RFC3: variants seen among roughly 807,000 people sequenced by gnomAD.
RFC3 encodes the protein A1 38 kDa subunit.
In RFC3, 41 loss-of-function variants were observed where a neutral mutation model predicts 45.1. That is an observed-to-expected ratio of 0.91 (90% CI 0.71 to 1.18). The LOEUF is 1.18. Among genes scored for constraint, RFC3 ranks in the 50% most tolerant of loss-of-function variants. The pLI is 0.00. For synonymous variants in RFC3, 149 were observed against 144.0 expected (o/e 1.03, Z -0.25); for missense variants, 423 against 428.1 (o/e 0.99, Z 0.10).
At chr13:33,924,620 A>G (rs1376374154) in intron 8 of RFC3, among the ~76,000 whole-genome samples, 1 of 149,962 alleles carries the variant, frequency 6.7e-6, no homozygotes, top group African/African-American at 2.4e-5. Context: ...GTAAATATAT[A>G]TACACACCAT....
chr13:33,902,400 C>G (rs1004137061), intron 8 of RFC3, among the ~76,000 whole-genome samples: 2 of 152,046 alleles, frequency 1.3e-5, no homozygotes, highest in Non-Finnish European at 2.9e-5. Flanking sequence ...TAAGGATTAG[C>G]ATCTGAAGGA....
chr13:33,872,562 C>T (rs1028151631), intron 8 of RFC3, among the ~76,000 whole-genome samples: 26 of 151,944 alleles, frequency 1.7e-4, no homozygotes, highest in Admixed American at 1.1e-3. Flanking sequence ...GGAGAAACCC[C>T]GTCTCTACTA....
At chr13:33,837,912 G>C (rs2082169887), downstream of RFC3, among the ~76,000 whole-genome samples, 1 of 151,508 alleles carries the variant, frequency 6.6e-6, no homozygotes. Context: ...TTTCTACTTA[G>C]TTCAAACTTT....
intron 8 of RFC3, among the ~76,000 whole-genome samples, chr13:33,915,022 A>G (rs1021170112): frequency 2.0e-5 from 3 of 152,182 alleles, no homozygotes; most frequent in African/African-American, 4.8e-5. Flanking sequence ...TATGTAGTCA[A>G]AATCCAAGAT....
chr13:33,880,649 G>A (rs2082476842), intron 8 of RFC3, among the ~76,000 whole-genome samples: 1 of 152,128 alleles, frequency 6.6e-6, no homozygotes, highest in Non-Finnish European at 1.5e-5. Context: ...AGTGGCTACT[G>A]TATTGCACAG....
chr13:33,909,352 C>T (rs189321053), intron 8 of RFC3, among the ~76,000 whole-genome samples: 174 of 152,098 alleles, frequency 1.1e-3, no homozygotes, highest in African/African-American at 3.9e-3. Flanking sequence ...TTCTTAGACA[C>T]GGGCTTCTCC....
intron 8 of RFC3, among the ~76,000 whole-genome samples, chr13:33,942,091 TTATC>T (rs1467714549): frequency 6.6e-6 from 1 of 152,150 alleles, no homozygotes; most frequent in Non-Finnish European, 1.5e-5. Flanking sequence ...TAAAATTCTC[TTATC>T]TTTTTTTGTA....
At chr13:33,924,661 G>A (rs1035396823) in intron 8 of RFC3, among the ~76,000 whole-genome samples, 1 of 146,418 alleles carries the variant, frequency 6.8e-6, no homozygotes, top group Non-Finnish European at 1.5e-5. Flanking sequence ...CAATGTGTGT[G>A]TATATATATA....
At chr13:33,830,065 T>C in intron 5 of RFC3, 48 bp downstream of exon 5, 2 of 1,502,120 alleles carry the variant, frequency 1.3e-6, no homozygotes, top group Non-Finnish European at 1.8e-6. Context: ...TCAGATTCTC[T>C]GAATATTGTA....
intron 8 of RFC3, among the ~76,000 whole-genome samples, chr13:33,958,980 G>C (rs2083039569): frequency 6.6e-6 from 1 of 152,146 alleles, no homozygotes; most frequent in Non-Finnish European, 1.5e-5. Flanking sequence ...TAGTTCCACA[G>C]AACTATTATT....
At chr13:33,865,747 TTATC>T (rs2082368946) in intron 8 of RFC3, among the ~76,000 whole-genome samples, 1 of 152,064 alleles carries the variant, frequency 6.6e-6, no homozygotes. Context: ...TAAATAAACT[TTATC>T]TGTCAGAAAA....
chr13:33,867,550 T>C (rs1382109401), intron 8 of RFC3, among the ~76,000 whole-genome samples: 2 of 152,192 alleles, frequency 1.3e-5, no homozygotes, highest in Non-Finnish European at 2.9e-5. Flanking sequence ...CAGGAGGAAA[T>C]AGGGCCTCAC....
At position 33,881,028 on chromosome 13, in the gene RFC3, C is replaced by T. The variant is rs2082479893; in HGVS notation, c.879+45811C>T. On this transcript the variant is annotated intron_variant, in intron 8 of 8. Coordinates refer to the RFC3 transcript ENST00000434425. ...CTGAGATCGTGCCCTTGGACTTCAG[C>T]CCAGGTGACAGAGCAAGACTCAGTC... is the stretch of plus-strand genomic sequence containing the variant. Among the ~76,000 whole-genome samples, 4 of 151,930 alleles carry T rather than the reference C, an allele frequency of 2.6e-5. No homozygotes were observed. The South Asian group carries it at 8.3e-4, about 32-fold the overall frequency.
intron 8 of RFC3, among the ~76,000 whole-genome samples, chr13:33,872,255 A>G (rs1342319458): frequency 6.6e-6 from 1 of 152,196 alleles, no homozygotes; most frequent in South Asian, 2.1e-4. Context: ...AGAAGGCCTT[A>G]TTAGTGCTGG....
chr13:33,820,913 T>TTATATA (rs34884650), intron 1 of RFC3, among the ~76,000 whole-genome samples: 2 of 130,176 alleles, frequency 1.5e-5, no homozygotes, highest in African/African-American at 3.4e-5. Flanking sequence ...ATATATATAT[T>TTATATA]TATATATATA....
downstream of RFC3, among the ~76,000 whole-genome samples, chr13:33,838,066 A>G (rs967702100): frequency 5.3e-5 from 8 of 152,072 alleles, no homozygotes; most frequent in African/African-American, 1.9e-4. Flanking sequence ...TGAGAGAAAT[A>G]TTGAAATCTC....
At chr13:33,970,846 G>A (rs1012022635), downstream of RFC3, among the ~76,000 whole-genome samples, 1 of 152,198 alleles carries the variant, frequency 6.6e-6, no homozygotes, top group Non-Finnish European at 1.5e-5. Flanking sequence ...TGACACTTCA[G>A]CCTACTACAT....
chr13:33,904,200 G>A (rs1376122668), intron 8 of RFC3, among the ~76,000 whole-genome samples: 1 of 151,998 alleles, frequency 6.6e-6, no homozygotes, highest in Non-Finnish European at 1.5e-5. Flanking sequence ...CTGGCATGTG[G>A]TAGACACTTA....
At chr13:33,871,215 T>A (rs531478151) in intron 8 of RFC3, among the ~76,000 whole-genome samples, 1 of 152,180 alleles carries the variant, frequency 6.6e-6, no homozygotes, top group Admixed American at 6.5e-5. Flanking sequence ...CCATAACAAA[T>A]AACCATAAAT....
Sources: gnomAD v4.1 joint callset for allele counts (sites outside exome capture counted in the v4.1 genomes callset) on GRCh38, gnomAD v4.1.1 for gene constraint, MANE v1.5 for transcripts, NCBI Gene and HGNC (gene_info 2026-07-23, HGNC 2026-07-21) for gene names.